AK4: variants seen among roughly 807,000 people sequenced by gnomAD.
AK4 encodes the protein adenylate kinase 4, mitochondrial.
In AK4, 13 loss-of-function variants were observed where a neutral mutation model predicts 24.6. The observed-to-expected ratio is 0.53, with a 90% CI of 0.34 to 0.84. AK4 has a LOEUF of 0.84. Ranked by LOEUF, AK4 falls within the 40% of genes least tolerant of loss-of-function variation. AK4 has a pLI of 0.01. For missense variants in AK4, 192 were observed against 288.2 expected (o/e 0.67, Z 2.42); for synonymous variants, 88 against 107.0 (o/e 0.82, Z 1.10).
At chr1:65,185,520 G>A (rs1426464871) in intron 1 of AK4, among the ~76,000 whole-genome samples, 1 of 151,998 alleles carries the variant, frequency 6.6e-6, no homozygotes, top group African/African-American at 2.4e-5. Flanking sequence ...ATTTGCTGTT[G>A]CTGTTTCCTT....
intron 2 of AK4, among the ~76,000 whole-genome samples, chr1:65,191,868 C>T (rs574208951): frequency 5.3e-5 from 8 of 151,914 alleles, no homozygotes; most frequent in Admixed American, 6.6e-5. Flanking sequence ...TAAGGGATGT[C>T]GAAGGCCTGA....
intron 2 of AK4, among the ~76,000 whole-genome samples, chr1:65,193,270 C>T (rs772320913): frequency 1.2e-4 from 18 of 152,166 alleles, no homozygotes; most frequent in East Asian, 1.9e-4. Context: ...GGTGGAGCCA[C>T]GCCTGAAGCT....
chr1:65,149,937 C>T (rs1649709349), intron 1 of AK4, among the ~76,000 whole-genome samples: 1 of 152,132 alleles, frequency 6.6e-6, no homozygotes, highest in African/African-American at 2.4e-5. Context: ...GGAAGGCTGG[C>T]TCTCATCCTA....
intron 1 of AK4, among the ~76,000 whole-genome samples, chr1:65,188,255 C>T (rs1036389179): frequency 2.6e-5 from 4 of 151,916 alleles, no homozygotes; most frequent in South Asian, 2.1e-4. Context: ...ATTAGTTGGG[C>T]ATGGTGGCGC....
chr1:65,184,482 ATATT>A (rs1006900693), intron 1 of AK4, among the ~76,000 whole-genome samples: 15 of 152,154 alleles, frequency 9.9e-5, no homozygotes, highest in Admixed American at 6.5e-5. Flanking sequence ...GGGGCACCCT[ATATT>A]TATTACATTT....
chr1:65,153,518 G>A (rs1466142912), intron 1 of AK4, among the ~76,000 whole-genome samples: 1 of 152,042 alleles, frequency 6.6e-6, no homozygotes, highest in South Asian at 2.1e-4. Context: ...CAGTCTGCCC[G>A]CCTCGGCCTC....
At chr1:65,213,147 A>C (rs558304146) in intron 2 of AK4, among the ~76,000 whole-genome samples, 118 of 152,182 alleles carry the variant, frequency 7.8e-4, no homozygotes, top group Non-Finnish European at 1.5e-3. Context: ...AGTTCCTTGG[A>C]AGTTATACCA....
At chr1:65,178,427 G>T (rs1650789467) in intron 1 of AK4, among the ~76,000 whole-genome samples, 1 of 152,140 alleles carries the variant, frequency 6.6e-6, no homozygotes, top group Non-Finnish European at 1.5e-5. Context: ...TGAGCATCTT[G>T]AAATGTGTGC....
intron 2 of AK4, among the ~76,000 whole-genome samples, chr1:65,208,144 C>T (rs1297627742): frequency 6.6e-6 from 1 of 152,150 alleles, no homozygotes; most frequent in East Asian, 1.9e-4. Flanking sequence ...ATTTACATTC[C>T]CACTAGCAGT....
chr1:65,148,165 G>A, upstream of AK4: 1 of 775,952 alleles, frequency 1.3e-6, no homozygotes, highest in Non-Finnish European at 1.9e-6. Context: ...AGGAGGGCGA[G>A]GAGGTGGAGA....
intron 2 of AK4, among the ~76,000 whole-genome samples, chr1:65,211,301 T>C (rs1349728689): frequency 6.6e-6 from 1 of 152,176 alleles, no homozygotes; most frequent in Non-Finnish European, 1.5e-5. Flanking sequence ...ACATTTGTTG[T>C]GTGTATGTGG....
chr1:65,166,708 C>T (rs1022645259), intron 1 of AK4, among the ~76,000 whole-genome samples: 14 of 152,080 alleles, frequency 9.2e-5, no homozygotes, highest in Non-Finnish European at 8.8e-5. Context: ...CTTTTGAAGA[C>T]GGGGGTCTCA....
chr1:65,190,309 C>T (rs1651254356), intron 1 of AK4, among the ~76,000 whole-genome samples: 4 of 150,160 alleles, frequency 2.7e-5, no homozygotes, highest in Admixed American at 6.7e-5. Flanking sequence ...GGCTGGCATT[C>T]AGTAGTGCAG....
intron 1 of AK4, among the ~76,000 whole-genome samples, chr1:65,180,218 A>T (rs1291888966): frequency 6.6e-6 from 1 of 152,038 alleles, no homozygotes; most frequent in East Asian, 1.9e-4. Context: ...GAGGCTGAGG[A>T]AGGAGGATCA....
chr1:65,151,880 C>A (rs1649782452), intron 1 of AK4, among the ~76,000 whole-genome samples: 1 of 152,162 alleles, frequency 6.6e-6, no homozygotes, highest in Non-Finnish European at 1.5e-5. Context: ...TTTGAAGAGT[C>A]ACACCCATAT....
chr1:65,175,128 T>C (rs1451147244), intron 1 of AK4, among the ~76,000 whole-genome samples: 1 of 152,200 alleles, frequency 6.6e-6, no homozygotes, highest in Non-Finnish European at 1.5e-5. Context: ...TCCTAAGTGT[T>C]TCATTACTGT....
chr1:65,165,622 T>G (rs1045035034), intron 1 of AK4, among the ~76,000 whole-genome samples: 3 of 151,844 alleles, frequency 2.0e-5, no homozygotes, highest in African/African-American at 7.3e-5. Flanking sequence ...TATGTAGAGT[T>G]GGAGCTTACA....
At chr1:65,212,008 A>T (rs1391375257) in intron 2 of AK4, among the ~76,000 whole-genome samples, 3 of 152,158 alleles carry the variant, frequency 2.0e-5, no homozygotes, top group Non-Finnish European at 1.5e-5. Flanking sequence ...GCAAAAGCAG[A>T]GGGAATATGA....
At chr1:65,195,080 G>A (rs1651425504) in intron 2 of AK4, among the ~76,000 whole-genome samples, 1 of 152,198 alleles carries the variant, frequency 6.6e-6, no homozygotes, top group South Asian at 2.1e-4. Context: ...TGGAGGCAGG[G>A]AAGAGTAAGA....
Sources: gnomAD v4.1 joint callset for allele counts (sites outside exome capture counted in the v4.1 genomes callset) on GRCh38, gnomAD v4.1.1 for gene constraint, MANE v1.5 for transcripts, NCBI Gene and HGNC (gene_info 2026-07-23, HGNC 2026-07-21) for gene names.